Variants in ARHGAP39 observed in about 807,000 individuals in gnomAD.
ARHGAP39 encodes Rho GTPase activating protein 39.
In ARHGAP39, 44 loss-of-function variants were observed where a neutral mutation model predicts 106.9. That is an observed-to-expected ratio of 0.41 (90% CI 0.32 to 0.53). The LOEUF (loss-of-function observed/expected upper bound fraction) is 0.53, where lower values mean the gene tolerates loss of function less well. ARHGAP39 is among the 20% of genes least tolerant of loss of function. The pLI is 0.21. For missense variants in ARHGAP39, 1,496 were observed against 1,577.3 expected (o/e 0.95, Z 0.87); for synonymous variants, 768 against 693.2 (o/e 1.11, Z -1.69).
At chr8:144,617,541 C>G (rs1820669795) in intron 1 of ARHGAP39, among the ~76,000 whole-genome samples, 1 of 149,838 alleles carries the variant, frequency 6.7e-6, no homozygotes, top group African/African-American at 2.5e-5. Flanking sequence ...AGCCTTCAGG[C>G]TGAGAGCCCA....
the ARHGAP39 span, among the ~76,000 whole-genome samples, chr8:144,699,529 G>A: frequency 7.0e-6 from 1 of 142,632 alleles, no homozygotes; most frequent in African/African-American, 2.6e-5. Context: ...CGAGGTCGAG[G>A]CCTCGTGAGG....
intron 1 of ARHGAP39, among the ~76,000 whole-genome samples, chr8:144,655,262 C>G (rs1034550745): frequency 1.3e-5 from 2 of 152,128 alleles, no homozygotes; most frequent in African/African-American, 4.8e-5. Context: ...CACCCATGGC[C>G]ACCCATCAGC....
chr8:144,675,708 T>C (rs2956186), intron 1 of ARHGAP39, among the ~76,000 whole-genome samples: 14,116 of 143,272 alleles, frequency 0.099, 1,401 homozygotes, highest in African/African-American at 0.29. Flanking sequence ...CCTTCGTGGT[T>C]AGTGTTACAG....
At chr8:144,531,016 G>A in intron 10 of ARHGAP39, 145 bp from the exon 11 acceptor site, 2 of 1,130,684 alleles carry the variant, frequency 1.8e-6, no homozygotes, top group Non-Finnish European at 2.4e-6. Context: ...CATCTGGCCA[G>A]GCTGGGCCCT....
chr8:144,631,916 A>T (rs1268413292), intron 1 of ARHGAP39, among the ~76,000 whole-genome samples: 4 of 152,220 alleles, frequency 2.6e-5, no homozygotes, highest in Non-Finnish European at 5.9e-5. Flanking sequence ...CTTTTCAAAC[A>T]GCCGGTGACT....
chr8:144,614,776 T>G (rs1352890295), intron 1 of ARHGAP39, among the ~76,000 whole-genome samples: 1 of 152,248 alleles, frequency 6.6e-6, no homozygotes, highest in Admixed American at 6.5e-5. Context: ...TGTTCTCCAC[T>G]GGGTACGCTA....
intron 1 of ARHGAP39, among the ~76,000 whole-genome samples, chr8:144,608,689 G>A (rs990254298): frequency 3.3e-5 from 5 of 152,184 alleles, no homozygotes; most frequent in African/African-American, 1.2e-4. Flanking sequence ...ATGAGTAAGA[G>A]GAAAATCAAC....
In ARHGAP39 at chr8:144,534,560, C is replaced by T. The variant is rs552493045; in HGVS notation, c.2615-358G>A. ...CCCAGGGAGCTGTCCAGGTATTTGACTCTTCTCTGCTTCAGGCCCCTCCCT... is the reference window on the plus strand; with the variant it reads ...CCCAGGGAGCTGTCCAGGTATTTGATTCTTCTCTGCTTCAGGCCCCTCCCT... On this transcript the variant is annotated intron_variant, in intron 7 of 11. Transcript: ENST00000377307. Among the ~76,000 whole-genome samples the T allele has an allele frequency of 2.6e-5, 4 of 152,356 alleles. No homozygotes were observed. In the South Asian group the frequency reaches 8.3e-4, roughly 32 times the overall value.
chr8:144,574,748 A>C (rs1818711978), intron 3 of ARHGAP39, among the ~76,000 whole-genome samples: 1 of 152,218 alleles, frequency 6.6e-6, no homozygotes, highest in African/African-American at 2.4e-5. Flanking sequence ...AGTCTCAGCT[A>C]CTCAAGAGGC....
At chr8:144,587,161 G>A (rs1819212336) in intron 2 of ARHGAP39, among the ~76,000 whole-genome samples, 1 of 152,218 alleles carries the variant, frequency 6.6e-6, no homozygotes, top group Non-Finnish European at 1.5e-5. Context: ...GGAACTGTAA[G>A]TCAATTAAAC....
intron 1 of ARHGAP39, among the ~76,000 whole-genome samples, chr8:144,626,894 C>T (rs2130973323): frequency 6.6e-6 from 1 of 152,364 alleles, no homozygotes; most frequent in South Asian, 2.1e-4. Context: ...ATGGAGGCAG[C>T]AGCACTGAGG....
rs1332247032 is a variant in ARHGAP39 at position 144,641,433 on chromosome 8, A to G, written c.-81-35738T>C. On this transcript the variant is annotated intron_variant, in intron 1 of 11. Coordinates refer to ENST00000377307, the MANE Select transcript of ARHGAP39 (RefSeq NM_025251.3). This position sits in a 1 kb window ranked among gnomAD's most constrained non-coding sequence, Gnocchi z 5.2. ...AAGCGAAGCTGACCACCAAGACCCC[A>G]CCATGCTCACATCGAGGAGGAATGC... Among the ~76,000 whole-genome samples, 1 of 152,054 alleles carries G rather than the reference A, an allele frequency of 6.6e-6. No homozygotes were observed. Among genetic ancestry groups the G allele is most frequent in the African/African-American group, 2.4e-5 (1 of 41,372 alleles).
intron 1 of ARHGAP39, among the ~76,000 whole-genome samples, chr8:144,656,407 A>T (rs565097324): frequency 6.6e-6 from 1 of 152,316 alleles, no homozygotes; most frequent in Admixed American, 6.5e-5. Context: ...CATCAAGATT[A>T]TGTAACAATC....
At chr8:144,608,052 G>C (rs1435167748) in intron 1 of ARHGAP39, among the ~76,000 whole-genome samples, 1 of 151,186 alleles carries the variant, frequency 6.6e-6, no homozygotes, top group African/African-American at 2.4e-5. Flanking sequence ...AGCTACGCAG[G>C]AGGCTGAGGC....
chr8:144,614,160 G>A (rs1820570048), intron 1 of ARHGAP39, among the ~76,000 whole-genome samples: 1 of 152,104 alleles, frequency 6.6e-6, no homozygotes, highest in African/African-American at 2.4e-5. Flanking sequence ...TTGAACATAT[G>A]GAATACAGTT....
rs888542553 is a variant in ARHGAP39, at chr8:144,571,698, T to C, written c.512+9148A>G. On this transcript the variant is annotated intron_variant, in intron 3 of 11. Coordinates refer to ENST00000377307, the MANE Select transcript of ARHGAP39 (RefSeq NM_025251.3). ...TCAATTAGGAAAAGAGGAAGTCAAATTGTCCCTGTTTGCAGATGACATGAT... is the reference window on the plus strand; with the variant it reads ...TCAATTAGGAAAAGAGGAAGTCAAACTGTCCCTGTTTGCAGATGACATGAT... Among the ~76,000 whole-genome samples the C allele has an allele frequency of 2.6e-5, 4 of 152,210 alleles. No homozygotes were observed. The East Asian group carries it at 7.7e-4, about 29-fold the overall frequency.
chr8:144,678,634 G>A (rs1586654183), intron 1 of ARHGAP39, among the ~76,000 whole-genome samples: 1 of 152,344 alleles, frequency 6.6e-6, no homozygotes, highest in Middle Eastern at 3.4e-3. Flanking sequence ...GAGCCAGGCA[G>A]CAGAGTCACT....
chr8:144,565,802 C>T (rs1818372431), intron 3 of ARHGAP39, among the ~76,000 whole-genome samples: 1 of 151,782 alleles, frequency 6.6e-6, no homozygotes. Context: ...AGCACAAACA[C>T]AGTCTAAAGA....
At chr8:144,535,867 T>C (rs1816933583) in intron 7 of ARHGAP39, among the ~76,000 whole-genome samples, 1 of 152,206 alleles carries the variant, frequency 6.6e-6, no homozygotes, top group Non-Finnish European at 1.5e-5. Context: ...TGACAATGCC[T>C]GTCTGTTGCA....
Sources: gnomAD v4.1 joint callset for allele counts (sites outside exome capture counted in the v4.1 genomes callset) on GRCh38, gnomAD v4.1.1 for gene constraint, Gnocchi (gnomAD v3.1) non-coding constraint, MANE v1.5 for transcripts, NCBI Gene and HGNC (gene_info 2026-07-23, HGNC 2026-07-21) for gene names.